STRA8: variants seen among roughly 807,000 people sequenced by gnomAD.
STRA8 encodes stimulated by retinoic acid 8, also known as stimulated by retinoic acid gene 8 protein homolog.
STRA8 carries 18 observed loss-of-function variants against 37.1 expected under a neutral mutation model. That is an observed-to-expected ratio of 0.48 (90% confidence interval 0.34 to 0.72). The LOEUF (loss-of-function observed/expected upper bound fraction) is 0.72. STRA8 is among the 30% of genes least tolerant of loss of function. The pLI is 0.01. For missense variants in STRA8, 357 were observed against 410.4 expected (o/e 0.87, Z 1.13); for synonymous variants, 168 against 162.9 (o/e 1.03, Z -0.24).
At chr7:135,257,130 C>G (rs1173539781) in intron 8 of STRA8, among the ~76,000 whole-genome samples, 1 of 152,166 alleles carries the variant, frequency 6.6e-6, no homozygotes, top group African/African-American at 2.4e-5. Flanking sequence ...ACTGCTTCTC[C>G]AGGGCAGGAA....
intron 7 of STRA8, among the ~76,000 whole-genome samples, chr7:135,253,800 G>A (rs1015169872): frequency 6.6e-6 from 1 of 152,198 alleles, no homozygotes; most frequent in Non-Finnish European, 1.5e-5. Context: ...TGCTATCATG[G>A]CTAAAAAGAA....
chr7:135,256,746 A>C (rs1205738217), intron 8 of STRA8, among the ~76,000 whole-genome samples: 8 of 152,212 alleles, frequency 5.3e-5, no homozygotes, highest in African/African-American at 1.9e-4. Context: ...CAGAGGTTAC[A>C]GTGAGCTGAG....
intron 1 of STRA8, among the ~76,000 whole-genome samples, chr7:135,239,472 A>G (rs117992800): frequency 0.015 from 2,345 of 152,290 alleles, 29 homozygotes; most frequent in Non-Finnish European, 0.025. Context: ...CCTAGCAGAA[A>G]CCGCTCACTG....
chr7:135,235,791 G>T (rs995161100), intron 1 of STRA8, among the ~76,000 whole-genome samples: 1 of 152,092 alleles, frequency 6.6e-6, no homozygotes, highest in African/African-American at 2.4e-5. Flanking sequence ...TCTAGTTAAA[G>T]AATTTTTACC....
At chr7:135,233,454 G>A (rs1585463029), upstream of STRA8, among the ~76,000 whole-genome samples, 2 of 152,276 alleles carry the variant, frequency 1.3e-5, no homozygotes, top group Non-Finnish European at 2.9e-5. Flanking sequence ...GTAAGCTGGT[G>A]GCATTGCCCC....
chr7:135,255,880 T>A (rs534508726), intron 8 of STRA8, among the ~76,000 whole-genome samples: 5 of 152,382 alleles, frequency 3.3e-5, no homozygotes, highest in African/African-American at 9.6e-5. Flanking sequence ...AAATGTTGTG[T>A]GAACCTTTGA....
At chr7:135,253,483 C>T (rs1832665116) in intron 7 of STRA8, among the ~76,000 whole-genome samples, 2 of 152,146 alleles carry the variant, frequency 1.3e-5, no homozygotes, top group Non-Finnish European at 2.9e-5. Flanking sequence ...TAAGGGCCAA[C>T]ATGCAAATAG....
At position 135,246,724 on chromosome 7, in the gene STRA8, G is replaced by A. The variant is rs1490340326; in HGVS notation, c.879+22G>A. ...GGAGGTGAGCAGGCCCACCGGGGTG[G>A]CGTGGATGGGGCACGGGAACCACCC... is the stretch of plus-strand genomic sequence containing the variant. On this transcript the variant is annotated intron_variant, in intron 6 of 8. Transcript: ENST00000662584. The surrounding 1 kb of genome is among the most constrained non-coding windows in gnomAD (Gnocchi z 5.4). 5 of 1,499,964 alleles carry A rather than the reference G, an allele frequency of 3.3e-6. No homozygotes were observed. In the Admixed American group the frequency reaches 1.2e-4, roughly 37 times the overall value. The allele number at this position is 1,499,964 out of a possible 1,614,324, so 92.9% of individuals were successfully genotyped here.
At chr7:135,252,566 C>G (rs886405048) in intron 7 of STRA8, among the ~76,000 whole-genome samples, 2 of 152,118 alleles carry the variant, frequency 1.3e-5, no homozygotes, top group Non-Finnish European at 2.9e-5. Context: ...CTGGGGATGA[C>G]ACTATCTGTG....
chr7:135,238,157 C>T (rs1832406319), intron 1 of STRA8, among the ~76,000 whole-genome samples: 1 of 152,190 alleles, frequency 6.6e-6, no homozygotes, highest in African/African-American at 2.4e-5. Flanking sequence ...GTAGGAGGGT[C>T]ATCTCCCATC....
chr7:135,238,393 G>A (rs186745648), intron 1 of STRA8, among the ~76,000 whole-genome samples: 1 of 152,312 alleles, frequency 6.6e-6, no homozygotes, highest in East Asian at 1.9e-4. Flanking sequence ...GCAGAGGACT[G>A]CACTCTTGTC....
chr7:135,251,640 G>C (rs1832635639), intron 6 of STRA8, among the ~76,000 whole-genome samples, 156 bp from the exon 7 acceptor site: 1 of 152,194 alleles, frequency 6.6e-6, no homozygotes, highest in African/African-American at 2.4e-5. Context: ...AGAACAGCAA[G>C]CAGAGCCCCT....
intron 2 of STRA8, among the ~76,000 whole-genome samples, chr7:135,242,067 A>G (rs1194993497): frequency 6.7e-6 from 1 of 149,544 alleles, no homozygotes; most frequent in Admixed American, 6.6e-5. Flanking sequence ...AGGAGGAAGG[A>G]AAGAAAAAGG....
At chr7:135,242,562 T>G (rs1832482830) in intron 2 of STRA8, among the ~76,000 whole-genome samples, 1 of 152,232 alleles carries the variant, frequency 6.6e-6, no homozygotes. Context: ...TCCAAATCCT[T>G]TGGCATTTCG....
At chr7:135,243,798 A>G (rs1361625380) in intron 4 of STRA8, among the ~76,000 whole-genome samples, 1 of 152,220 alleles carries the variant, frequency 6.6e-6, no homozygotes, top group Non-Finnish European at 1.5e-5. Context: ...CTTTTTCTAT[A>G]TGTATTTTTT....
chr7:135,255,342 G>T, intron 8 of STRA8, 117 bp downstream of exon 8: 1 of 710,400 alleles, frequency 1.4e-6, no homozygotes, highest in Non-Finnish European at 2.4e-6. Context: ...GAGCCACTGG[G>T]CAGGGACACT....
intron 1 of STRA8, among the ~76,000 whole-genome samples, chr7:135,238,250 G>T (rs1443708882): frequency 6.6e-6 from 1 of 152,196 alleles, no homozygotes; most frequent in Non-Finnish European, 1.5e-5. Context: ...GGGCGCCTGG[G>T]GGCAGGCAAG....
chr7:135,241,905 C>G (rs995840280), intron 2 of STRA8, among the ~76,000 whole-genome samples: 3 of 152,042 alleles, frequency 2.0e-5, no homozygotes, highest in Non-Finnish European at 4.4e-5. Context: ...AGGTGGTCAG[C>G]CTAACAAACA....
rs865810083 is a variant in STRA8, at chr7:135,233,842, C to T, written c.-68C>T. ...CAGACAGGAACCGCGATCCCCACTCCGGCGCACGAAGCCGGGTGACTGCTG... is the reference window on the plus strand; with the variant it reads ...CAGACAGGAACCGCGATCCCCACTCTGGCGCACGAAGCCGGGTGACTGCTG... On this transcript the variant is annotated 5_prime_UTR_variant, in exon 1 of 9. Coordinates refer to ENST00000662584, the MANE Select transcript of STRA8 (RefSeq NM_001394401.1). Among the ~76,000 whole-genome samples, 5 of 152,200 alleles carry T rather than the reference C, an allele frequency of 3.3e-5. No homozygotes were observed. Among genetic ancestry groups the T allele is most frequent in the Non-Finnish European group, 7.3e-5 (5 of 68,046 alleles).
Sources: gnomAD v4.1 joint callset for allele counts (sites outside exome capture counted in the v4.1 genomes callset) on GRCh38, gnomAD v4.1.1 for gene constraint, Gnocchi (gnomAD v3.1) non-coding constraint, MANE v1.5 for transcripts, NCBI Gene and HGNC (gene_info 2026-07-23, HGNC 2026-07-21) for gene names.